The following LRFN5 variants were observed in gnomAD, a reference collection of about 807,000 sequenced individuals.
LRFN5 encodes leucine-rich repeat and fibronectin type-III domain-containing protein 5.
LRFN5 carries 24 observed loss-of-function variants against 45.6 expected under a neutral mutation model. The observed-to-expected ratio is 0.53, with a 90% CI of 0.38 to 0.74. The LOEUF (loss-of-function observed/expected upper bound fraction) is 0.74. Ranked by LOEUF, LRFN5 falls within the 30% of genes least tolerant of loss-of-function variation. The pLI, the probability that LRFN5 is intolerant of heterozygous loss-of-function variation, is 0.00. For synonymous variants in LRFN5, 340 were observed against 313.8 expected (o/e 1.08, Z -0.88); for missense variants, 776 against 861.5 (o/e 0.90, Z 1.24).
chr14:41,835,945 A>AT lies in LRFN5; in HGVS notation c.-20-50661_-20-50660insT, dbSNP rs781635460. ...TTTTCTTTTTTTTTAAAAAAAAAAA[A>AT]CCTTTGAAAATGTGGCTTTCAATTA... On this transcript the variant is annotated intron_variant, in intron 2 of 5. Coordinates refer to ENST00000298119, the MANE Select transcript of LRFN5 (RefSeq NM_152447.5). Among the ~76,000 whole-genome samples the AT allele has an allele frequency of 2.9e-3, 439 of 151,386 alleles. 3 individuals carry two copies. The highest frequency in any genetic ancestry group is 4.6e-3 in the Non-Finnish European group (311 of 67,828).
chr14:41,612,973 T>G (rs1408541115), intron 1 of LRFN5, among the ~76,000 whole-genome samples: 1 of 152,124 alleles, frequency 6.6e-6, no homozygotes, highest in African/African-American at 2.4e-5. Flanking sequence ...ATAAACATAA[T>G]TTAATTTTAC....
chr14:41,714,734 A>C (rs898807655), intron 1 of LRFN5, among the ~76,000 whole-genome samples: 1 of 152,098 alleles, frequency 6.6e-6, no homozygotes, highest in African/African-American at 2.4e-5. Flanking sequence ...GCAAAACCCC[A>C]TCTCTACAAA....
intron 1 of LRFN5, among the ~76,000 whole-genome samples, chr14:41,675,568 G>A (rs1336430297): frequency 1.3e-5 from 2 of 152,168 alleles, no homozygotes; most frequent in Admixed American, 6.5e-5. Flanking sequence ...GTCCAGCTTC[G>A]GTTTGGCATC....
chr14:41,734,024 C>CTTTTT (rs1241948731), intron 1 of LRFN5, among the ~76,000 whole-genome samples: 19 of 115,532 alleles, frequency 1.6e-4, no homozygotes, highest in African/African-American at 3.4e-4. Context: ...CTTTTCTTTT[C>CTTTTT]TTTTCTTTTT....
At chr14:41,652,631 T>C (rs1880183639) in intron 1 of LRFN5, among the ~76,000 whole-genome samples, 1 of 152,128 alleles carries the variant, frequency 6.6e-6, no homozygotes, top group African/African-American at 2.4e-5. Context: ...GCAGATGAGC[T>C]GGGAGTTCTG....
At chr14:41,642,629 A>G (rs1169180067) in intron 1 of LRFN5, among the ~76,000 whole-genome samples, 2 of 152,208 alleles carry the variant, frequency 1.3e-5, no homozygotes. Flanking sequence ...CATAGATTCC[A>G]GGACTTGAGC....
intron 5 of LRFN5, among the ~76,000 whole-genome samples, chr14:41,902,521 C>G (rs1408999817): frequency 6.6e-6 from 1 of 151,838 alleles, no homozygotes; most frequent in Non-Finnish European, 1.5e-5. Flanking sequence ...AGACAAACTT[C>G]TTAGTTCACA....
At chr14:41,726,451 C>T (rs1014826293) in intron 1 of LRFN5, among the ~76,000 whole-genome samples, 4 of 152,078 alleles carry the variant, frequency 2.6e-5, no homozygotes, top group Non-Finnish European at 5.9e-5. Flanking sequence ...ATGCATCCTT[C>T]CAGGATATTC....
intron 1 of LRFN5, among the ~76,000 whole-genome samples, chr14:41,755,703 C>T (rs934094712): frequency 7.2e-5 from 11 of 152,240 alleles, no homozygotes; most frequent in South Asian, 4.2e-4. Flanking sequence ...CACTGATGGG[C>T]CTTGACTCTT....
rs1383182630 is a variant in LRFN5, at chr14:41,887,785, T to C, written c.1160T>C (p.Ile387Thr). The change falls in exon 3 of 6, where the codon ATC becomes ACC. Residue 387 changes from isoleucine to threonine, a missense_variant. This residue lies in a region of LRFN5 where 465 missense variants were observed against 456.4 expected (regional missense o/e 1.02). Transcript: ENST00000298119. This position sits in a 1 kb window ranked among gnomAD's most constrained non-coding sequence, Gnocchi z 4.8. ...CACTTACTAAATAGTACAAACCATA[T>C]CCATGAGCCTGATCCTGGTTCTTCA... ...LPHLLNSTNHIHEPDPGSSDI... is the reference protein window; with the variant it reads ...LPHLLNSTNHTHEPDPGSSDI... 6.2e-7 allele frequency: 1 copy of C among 1,613,888 alleles called. No homozygotes were observed. Among genetic ancestry groups the C allele is most frequent in the Non-Finnish European group, 8.5e-7 (1 of 1,179,970 alleles).
chr14:41,805,207 A>G (rs1480583486), intron 2 of LRFN5, among the ~76,000 whole-genome samples: 1 of 151,658 alleles, frequency 6.6e-6, no homozygotes, highest in East Asian at 1.9e-4. Context: ...ATGTCTGAAC[A>G]TTTTTATCAG....
At chr14:41,723,453 T>C (rs571690741) in intron 1 of LRFN5, among the ~76,000 whole-genome samples, 2 of 152,296 alleles carry the variant, frequency 1.3e-5, no homozygotes, top group Admixed American at 6.5e-5. Flanking sequence ...AGACAGGGCC[T>C]TCTTGCACCA....
intron 2 of LRFN5, among the ~76,000 whole-genome samples, chr14:41,794,027 A>T (rs1887030702): frequency 6.6e-6 from 1 of 152,040 alleles, no homozygotes; most frequent in Admixed American, 6.6e-5. Flanking sequence ...CACCAACTTC[A>T]TAGATTTTAT....
intron 2 of LRFN5, among the ~76,000 whole-genome samples, chr14:41,814,445 AC>A (rs1353128276): frequency 6.6e-6 from 1 of 152,114 alleles, no homozygotes; most frequent in Non-Finnish European, 1.5e-5. Flanking sequence ...ATTCCTGTGT[AC>A]CCTATTTACA....
intron 2 of LRFN5, among the ~76,000 whole-genome samples, chr14:41,817,647 C>T (rs1294548671): frequency 2.0e-5 from 3 of 152,046 alleles, no homozygotes; most frequent in Non-Finnish European, 4.4e-5. Flanking sequence ...GAGAGAAGAC[C>T]TTATTAGAAG....
intron 2 of LRFN5, among the ~76,000 whole-genome samples, chr14:41,784,702 A>G (rs1225658152): frequency 6.6e-6 from 1 of 151,892 alleles, no homozygotes; most frequent in Non-Finnish European, 1.5e-5. Flanking sequence ...AATCTCGGCT[A>G]ACTGTAAGCT....
At chr14:41,840,528 G>A (rs1430000387) in intron 2 of LRFN5, among the ~76,000 whole-genome samples, 1 of 151,964 alleles carries the variant, frequency 6.6e-6, no homozygotes, top group Non-Finnish European at 1.5e-5. Flanking sequence ...AATGTAAAAT[G>A]TTTTATTGAT....
At chr14:41,844,198 G>A (rs538140013) in intron 2 of LRFN5, among the ~76,000 whole-genome samples, 59 of 152,254 alleles carry the variant, frequency 3.9e-4, no homozygotes, top group African/African-American at 1.3e-3. Context: ...AACACTTTGG[G>A]AGGCCAAGGT....
chr14:41,759,100 G>A (rs1054135058), intron 1 of LRFN5, among the ~76,000 whole-genome samples: 1 of 151,882 alleles, frequency 6.6e-6, no homozygotes, highest in African/African-American at 2.4e-5. Context: ...CCATTAGGAT[G>A]GTACATTTTA....
Sources: gnomAD v4.1 joint callset for allele counts (sites outside exome capture counted in the v4.1 genomes callset) on GRCh38, gnomAD v4.1.1 for gene constraint, gnomAD v4.1.1 regional missense constraint, Gnocchi (gnomAD v3.1) non-coding constraint, MANE v1.5 for transcripts, NCBI Gene and HGNC (gene_info 2026-07-23, HGNC 2026-07-21) for gene names.